The following TTC22 variants were observed in gnomAD, a reference collection of about 807,000 sequenced individuals.
TTC22 encodes tetratricopeptide repeat domain 22.
In TTC22, 42 loss-of-function variants were observed where a neutral mutation model predicts 48.2. The ratio of observed to expected loss-of-function variants is 0.87; its 90% CI spans 0.68 to 1.13. TTC22 has a LOEUF of 1.13. TTC22 is among the 50% of genes most tolerant of loss of function. The probability of loss-of-function intolerance (pLI) is 0.00; values close to 1 mark genes in which losing one functional copy is unlikely to be tolerated. For synonymous variants in TTC22, 345 were observed against 365.5 expected (o/e 0.94, Z 0.64); for missense variants, 784 against 807.0 (o/e 0.97, Z 0.34).
chr1:54,795,645 C>G (rs1269947893), intron 1 of TTC22, among the ~76,000 whole-genome samples: 1 of 152,232 alleles, frequency 6.6e-6, no homozygotes, highest in East Asian at 1.9e-4. Context: ...TTTCTCAGCT[C>G]CTCCCGTGGG....
In TTC22 at chr1:54,790,000, C is replaced by T. The variant is rs116789320; in HGVS notation, c.568-1903G>A. Among the ~76,000 whole-genome samples, 687 of 152,198 alleles carry T rather than the reference C, an allele frequency of 4.5e-3. 6 individuals carry two copies. Among genetic ancestry groups the T allele is most frequent in the African/African-American group, 0.016 (659 of 41,512 alleles). Reference sequence around the variant, plus strand: ...AGGAGTGGAGGGAAGAGCCAGCAGGCGCATAATCAGGAGGGGCCCCTGAGT... The same window carrying T: ...AGGAGTGGAGGGAAGAGCCAGCAGGTGCATAATCAGGAGGGGCCCCTGAGT... On this transcript the variant is annotated intron_variant, in intron 1 of 6. Coordinates refer to ENST00000371276, the MANE Select transcript of TTC22 (RefSeq NM_001114108.2).
chr1:54,793,463 C>T (rs548795559), intron 1 of TTC22, among the ~76,000 whole-genome samples: 1 of 152,302 alleles, frequency 6.6e-6, no homozygotes, highest in East Asian at 1.9e-4. Context: ...GACTTCAGTG[C>T]TCTTCCCACA....
intron 1 of TTC22, among the ~76,000 whole-genome samples, chr1:54,792,143 C>G (rs2101461868): frequency 6.6e-6 from 1 of 152,368 alleles, no homozygotes; most frequent in Non-Finnish European, 1.5e-5. Context: ...GTCAACTCTC[C>G]TCCCCTTCAA....
chr1:54,784,589 T>G (rs1462813505), intron 5 of TTC22: 4 of 1,029,908 alleles, frequency 3.9e-6, no homozygotes, highest in East Asian at 2.1e-4. Context: ...GATATTTTAT[T>G]ATTTACTATT....
chr1:54,789,239 T>C (rs1646331063), intron 1 of TTC22, among the ~76,000 whole-genome samples: 1 of 152,152 alleles, frequency 6.6e-6, no homozygotes, highest in Non-Finnish European at 1.5e-5. Flanking sequence ...ATAGAGGCCA[T>C]GAGAGTGGTA....
Position 54,780,623 on chromosome 1 carries a change from T to A in TTC22, c.*620A>T, listed in dbSNP as rs1646254672. ...ATTTCAGAGCATTTGGGAGGCCTTT[T>A]GGGCCAAGCGGACCAAGAAGGAGGC... On this transcript the variant is annotated 3_prime_UTR_variant, in exon 7 of 7. Transcript: ENST00000371276. The A allele has an allele frequency of 6.6e-6, 1 of 152,224 alleles. No individual in the cohort carries two copies. Among genetic ancestry groups the A allele is most frequent in the Non-Finnish European group, 1.5e-5 (1 of 68,072 alleles). The allele number at this position is 152,224 out of a possible 1,614,324, so 9.4% of individuals were successfully genotyped here. A position where few individuals can be genotyped will look rare whatever the true frequency, so the allele number is the denominator to read the frequency against.
chr1:54,781,563 C>G lies in TTC22; in HGVS notation c.1390G>C (p.Ala464Pro). Residue 464 changes from alanine (A) to proline (P), a missense_variant, in exon 7 of 7, where the codon GCG becomes CCG. Coordinates refer to ENST00000371276, the MANE Select transcript of TTC22 (RefSeq NM_001114108.2). ...CFKRAVELDD[A>P]GSSHTDGFGC... The stretch of plus-strand genomic sequence containing the variant: ...AAGCCGTCGGTGTGGCTGGAGCCCG[C>G]GTCGTCCAGCTCCACTGCGCGCTTG... 6.6e-7 allele frequency: 1 copy of G among 1,521,632 alleles called. No homozygotes were observed. The highest frequency in any genetic ancestry group is 8.8e-7 in the Non-Finnish European group (1 of 1,141,566). The allele number at this position is 1,521,632 out of a possible 1,614,324, so 94.3% of individuals were successfully genotyped here. A position where few individuals can be genotyped will look rare whatever the true frequency, so the allele number is the denominator to read the frequency against.
At chr1:54,791,391 G>A (rs1570114508) in intron 1 of TTC22, among the ~76,000 whole-genome samples, 1 of 152,192 alleles carries the variant, frequency 6.6e-6, no homozygotes, top group Non-Finnish European at 1.5e-5. Flanking sequence ...GGTGACCTTG[G>A]GGGATGTTAC....
chr1:54,800,579 G>A lies in TTC22; in HGVS notation c.567+18C>T, dbSNP rs1646425588. On this transcript the variant is annotated intron_variant, in intron 1 of 6. Transcript: ENST00000371276. ...CACAGTCCTCCCAGAGGGAGGTAGG[G>A]AGACAGGGGTCACCTACCTGCTGCC... 1 of 1,475,362 alleles carries A rather than the reference G, an allele frequency of 6.8e-7. No individual in the cohort carries two copies. Among genetic ancestry groups the A allele is most frequent in the Non-Finnish European group, 8.9e-7 (1 of 1,125,288 alleles). 91.4% of individuals were successfully genotyped at this position (1,475,362 alleles called of 1,614,324 possible).
At chr1:54,800,463 G>A (rs2101477857) in intron 1 of TTC22, 134 bp downstream of exon 1, 1 of 806,244 alleles carries the variant, frequency 1.2e-6, no homozygotes, top group Non-Finnish European at 1.8e-6. Context: ...GATGCACATT[G>A]GAAAGGCATT....
intron 1 of TTC22, among the ~76,000 whole-genome samples, chr1:54,791,720 G>T (rs764692526): frequency 3.9e-5 from 6 of 152,044 alleles, no homozygotes; most frequent in Non-Finnish European, 5.9e-5. Context: ...GCCTCCACAG[G>T]TCCCCAGTGT....
intron 1 of TTC22, among the ~76,000 whole-genome samples, chr1:54,788,705 C>T (rs1646326246): frequency 6.6e-6 from 1 of 152,210 alleles, no homozygotes; most frequent in African/African-American, 2.4e-5. Context: ...CAGGCTCCAG[C>T]CCCTCCCTCC....
At position 54,787,078 on chromosome 1, in the gene TTC22, G is replaced by A. The variant is rs1646310112; in HGVS notation, c.740-3C>T. 2.0e-6 allele frequency: 3 copies of A among 1,478,830 alleles called. No individual in the cohort carries two copies. The highest frequency in any genetic ancestry group is 1.4e-5 in the African/African-American group (1 of 71,390). 91.6% of individuals were successfully genotyped at this position (1,478,830 alleles called of 1,614,324 possible). ...CCCGAGGTAGCACCAGGCCAGGGCT[G>A]GGGGTGAAGGGTGGGAGAGGGTCTC... is the stretch of plus-strand genomic sequence containing the variant. On this transcript the variant is annotated splice_region_variant and splice_polypyrimidine_tract_variant and intron_variant, in intron 3 of 6. Coordinates refer to ENST00000371276, the MANE Select transcript of TTC22 (RefSeq NM_001114108.2).
chr1:54,792,057 G>T (rs991354245), intron 1 of TTC22, among the ~76,000 whole-genome samples: 1 of 152,206 alleles, frequency 6.6e-6, no homozygotes, highest in Non-Finnish European at 1.5e-5. Flanking sequence ...TCAAGAGCCT[G>T]GTTAAGGTTT....
At position 54,800,781 on chromosome 1, in the gene TTC22, T is replaced by C. The variant is rs754024316; in HGVS notation, c.383A>G (p.Asp128Gly). Residue 128 changes from aspartate (D) to glycine (G), a missense_variant, in exon 1 of 7, where the codon GAC (aspartate) becomes GGC (glycine). Physicochemically the swap from Asp to Gly is moderately conservative, Grantham distance 94. Transcript: ENST00000371276. ...EEEACAARLADLMGLAEEPEA... is the reference protein window; with the variant it reads ...EEEACAARLAGLMGLAEEPEA... The stretch of plus-strand genomic sequence containing the variant: ...GGGCTCCTCTGCCAGGCCCATGAGG[T>C]CGGCCAGCCGTGCGGCGCACGCCTC... The C allele has an allele frequency of 6.4e-7, 1 of 1,559,916 alleles. No individual in the cohort carries two copies. The highest frequency in any genetic ancestry group is 8.7e-7 in the Non-Finnish European group (1 of 1,155,072).
At chr1:54,796,155 T>C (rs1215609138) in intron 1 of TTC22, among the ~76,000 whole-genome samples, 1 of 152,248 alleles carries the variant, frequency 6.6e-6, no homozygotes, top group Non-Finnish European at 1.5e-5. Flanking sequence ...CTCAGAATTG[T>C]GGAGTCGTGT....
intron 1 of TTC22, among the ~76,000 whole-genome samples, chr1:54,792,498 G>C (rs985561750): frequency 6.6e-6 from 1 of 151,886 alleles, no homozygotes. Flanking sequence ...GCAATGGCGC[G>C]ATCTTGGCTC....
intron 5 of TTC22, chr1:54,785,205 AT>A: frequency 4.9e-6 from 1 of 205,770 alleles, no homozygotes; most frequent in Non-Finnish European, 1.0e-5. Context: ...CTGATCCACT[AT>A]ATTAAATGAC....
Position 54,800,984 on chromosome 1 carries a change from C to A in TTC22, c.180G>T (p.Ala60=), listed in dbSNP as rs757836031. ...REGLRQELQL[A]AAPQRPAVRH... ...GCACAGCGGGGCGCTGCGGGGCGGC[C>A]GCCAGCTGGAGCTCCTGCCGCAGAC... The change falls in exon 1 of 7, where the codon GCG becomes GCT. Residue 60 remains alanine, a synonymous_variant. Transcript: ENST00000371276. The A allele has an allele frequency of 6.9e-6, 11 of 1,604,626 alleles. No homozygotes were observed. Among genetic ancestry groups the A allele is most frequent in the Middle Eastern group, 3.3e-4 (2 of 6,062 alleles).
Sources: gnomAD v4.1 joint callset for allele counts (sites outside exome capture counted in the v4.1 genomes callset) on GRCh38, gnomAD v4.1.1 for gene constraint, MANE v1.5 for transcripts, NCBI Gene and HGNC (gene_info 2026-07-23, HGNC 2026-07-21) for gene names.